Variants in ABCA13 observed in about 807,000 individuals in gnomAD.
The protein encoded by ABCA13 is ATP binding cassette subfamily A member 13, also known as ATP-binding cassette sub-family A member 13.
In ABCA13, 476 loss-of-function variants were observed where a neutral mutation model predicts 478.7. That is an observed-to-expected ratio of 0.99 (90% CI 0.92 to 1.07). The LOEUF (loss-of-function observed/expected upper bound fraction) is 1.07, where lower values mean the gene tolerates loss of function less well. ABCA13 is among the 50% of genes least tolerant of loss of function. ABCA13 has a pLI of 0.00. For missense variants in ABCA13, 6,060 were observed against 5,910.6 expected, an observed-to-expected ratio of 1.03 and a Z score of -0.83; for synonymous variants, 2,252 against 2,158.9, an observed-to-expected ratio of 1.04 and a Z score of -1.20.
At chr7:48,425,281 G>C (rs1250406397) in intron 41 of ABCA13, among the ~76,000 whole-genome samples, 1 of 152,130 alleles carries the variant, frequency 6.6e-6, no homozygotes, top group African/African-American at 2.4e-5. Flanking sequence ...AGAGGGGCTA[G>C]AAAAGGAAAA....
chr7:48,367,592 C>T (rs1287505573), intron 31 of ABCA13, among the ~76,000 whole-genome samples: 21 of 152,156 alleles, frequency 1.4e-4, no homozygotes, highest in Admixed American at 1.2e-3. Context: ...AGTTGTGTCT[C>T]CTTCATGGGT....
intron 2 of ABCA13, among the ~76,000 whole-genome samples, chr7:48,193,884 C>A (rs374685317): frequency 0.99 from 144,769 of 146,414 alleles, 71,562 homozygotes; most frequent in Middle Eastern, 0.99. Flanking sequence ...AGATAATAAC[C>A]GTGATCATGA....
chr7:48,562,646 A>G (rs1205283209), intron 55 of ABCA13, among the ~76,000 whole-genome samples: 1 of 152,198 alleles, frequency 6.6e-6, no homozygotes, highest in East Asian at 1.9e-4. Flanking sequence ...TGACATGTTA[A>G]TAAGCAACAG....
In ABCA13 at chr7:48,184,528, G is replaced by A. The variant is rs527790243; in HGVS notation, c.70-8431G>A. Among the ~76,000 whole-genome samples the A allele has an allele frequency of 4.7e-4, 71 of 152,164 alleles. 2 individuals are homozygous for A. The highest frequency in any genetic ancestry group is 1.0e-3 in the African/African-American group (42 of 41,530). On this transcript the variant is annotated intron_variant, in intron 1 of 61. Coordinates refer to ENST00000435803, the MANE Select transcript of ABCA13 (RefSeq NM_152701.5). ...CTTCTGAACATTTTAAAAAAGTTTC[G>A]TTTACTTTTGGCCAGGTGTGATGGC...
chr7:48,416,879 A>G (rs1023391892), intron 41 of ABCA13, among the ~76,000 whole-genome samples: 7 of 150,970 alleles, frequency 4.6e-5, no homozygotes, highest in Non-Finnish European at 1.0e-4. Flanking sequence ...GCTGTACTTC[A>G]GTCCTTCCAT....
Position 48,413,506 on chromosome 7 carries a change from C to G in ABCA13, c.12459+923C>G, listed in dbSNP as rs1317255700. Among the ~76,000 whole-genome samples the G allele has an allele frequency of 2.0e-5, 3 of 152,128 alleles. 1 individual carries two copies. The highest frequency in any genetic ancestry group is 6.5e-5 in the Admixed American group (1 of 15,270). On this transcript the variant is annotated intron_variant, in intron 41 of 61. Transcript: ENST00000435803. ...TTGTTTGGGGTTCTTGAGGTTGGCT[C>G]TCTGTGTGGGCAGTATTTGAGCCCT...
intron 38 of ABCA13, among the ~76,000 whole-genome samples, chr7:48,394,829 A>T (rs1056495321): frequency 1.3e-5 from 2 of 152,194 alleles, no homozygotes; most frequent in South Asian, 4.1e-4. Flanking sequence ...GTTTTATTTT[A>T]TCCCTCAACC....
At chr7:48,535,316 A>T (rs1387488310) in intron 55 of ABCA13, among the ~76,000 whole-genome samples, 1 of 152,194 alleles carries the variant, frequency 6.6e-6, no homozygotes, top group East Asian at 1.9e-4. Context: ...ACCAGGCTCC[A>T]GGATGGTATT....
chr7:48,207,645 G>T (rs1423642255), intron 3 of ABCA13, among the ~76,000 whole-genome samples: 1 of 151,842 alleles, frequency 6.6e-6, no homozygotes, highest in African/African-American at 2.4e-5. Context: ...TCATTGAATT[G>T]TTTGTTTGTT....
At chr7:48,473,434 C>T (rs1216751907) in intron 45 of ABCA13, among the ~76,000 whole-genome samples, 1 of 152,158 alleles carries the variant, frequency 6.6e-6, no homozygotes, top group Admixed American at 6.5e-5. Flanking sequence ...AATTCATCTC[C>T]CCATCTATGT....
chr7:48,296,293 A>C (rs1799355907), intron 21 of ABCA13, among the ~76,000 whole-genome samples: 1 of 152,122 alleles, frequency 6.6e-6, no homozygotes, highest in Non-Finnish European at 1.5e-5. Flanking sequence ...CCAACCACAT[A>C]GGAGGCTGAG....
chr7:48,411,048 T>TTTCTTTC (rs1819059948), intron 40 of ABCA13, among the ~76,000 whole-genome samples: 1 of 72,880 alleles, frequency 1.4e-5, no homozygotes, highest in Non-Finnish European at 3.2e-5. Flanking sequence ...TCTTTCTTTC[T>TTTCTTTC]TTTTCTTTCT....
chr7:48,391,441 C>G (rs964955788), intron 37 of ABCA13, among the ~76,000 whole-genome samples: 1 of 152,132 alleles, frequency 6.6e-6, no homozygotes, highest in African/African-American at 2.4e-5. Context: ...ACTCATACAG[C>G]CATTCTGCTT....
chr7:48,374,913 T>C (rs1033650740), intron 34 of ABCA13, among the ~76,000 whole-genome samples: 9 of 152,200 alleles, frequency 5.9e-5, no homozygotes, highest in Admixed American at 2.0e-4. Context: ...CTCCACCTCC[T>C]GTCAGGTCAG....
intron 3 of ABCA13, among the ~76,000 whole-genome samples, chr7:48,211,680 G>A (rs141804334): frequency 0.011 from 1,605 of 152,152 alleles, 31 homozygotes; most frequent in African/African-American, 0.036. Flanking sequence ...TCAGCAGGTG[G>A]CCAATCCTGC....
chr7:48,411,987 A>G (rs1819320816), intron 40 of ABCA13, among the ~76,000 whole-genome samples: 1 of 151,910 alleles, frequency 6.6e-6, no homozygotes, highest in Non-Finnish European at 1.5e-5. Context: ...GACTCCTTCA[A>G]CCCAGTTTTC....
At chr7:48,335,168 G>T (rs1806054678) in intron 27 of ABCA13, among the ~76,000 whole-genome samples, 1 of 152,216 alleles carries the variant, frequency 6.6e-6, no homozygotes, top group Non-Finnish European at 1.5e-5. Context: ...GTACCCAGCA[G>T]TGACTCTAAC....
chr7:48,330,335 A>G (rs2128930501), intron 27 of ABCA13, among the ~76,000 whole-genome samples: 1 of 151,544 alleles, frequency 6.6e-6, no homozygotes, highest in East Asian at 2.0e-4. Context: ...ACACCCATTC[A>G]GTCATCCACA....
At position 48,431,677 on chromosome 7, in the gene ABCA13, T is replaced by C. The variant is rs1822168436; in HGVS notation, c.12565+3806T>C. 2.0e-5 allele frequency among the ~76,000 whole-genome samples: 3 copies of C among 152,252 alleles called. No homozygotes were observed. The South Asian group carries it at 6.2e-4, about 32-fold the overall frequency. On this transcript the variant is annotated intron_variant, in intron 42 of 61. Coordinates refer to ENST00000435803, the MANE Select transcript of ABCA13 (RefSeq NM_152701.5). The stretch of plus-strand genomic sequence containing the variant: ...CTTCTGTTTTTATGTCTTTGCGGGC[T>C]CTGTTAGGTACATAAATCATCACAA...
Sources: allele counts gnomAD v4.1 joint callset (sites outside exome capture counted in the v4.1 genomes callset), GRCh38; gene constraint gnomAD v4.1.1; transcripts MANE v1.5; gene names NCBI Gene and HGNC (gene_info 2026-07-23, HGNC 2026-07-21).